Variants in OR2C1 observed in about 807,000 individuals in gnomAD.
The protein encoded by OR2C1 is olfactory receptor family 2 subfamily C member 1.
For missense variants in OR2C1, 468 were observed against 388.3 expected (o/e 1.21, Z -1.73); for synonymous variants, 209 against 167.3 (o/e 1.25, Z -1.92).
upstream of OR2C1, among the ~76,000 whole-genome samples, chr16:3,351,310 C>T (rs371445617): frequency 1.3e-5 from 2 of 149,488 alleles, no homozygotes; most frequent in East Asian, 3.9e-4. Flanking sequence ...TTACCACGGC[C>T]TCTGCCTCCC....
the OR2C1 span, among the ~76,000 whole-genome samples, chr16:3,336,657 G>C: frequency 6.8e-4 from 98 of 144,378 alleles, 1 homozygote; most frequent in South Asian, 6.3e-3. Flanking sequence ...TACCACACCC[G>C]GCCCTAGTTT....
chr16:3,345,286 C>T, the OR2C1 span, among the ~76,000 whole-genome samples: 1 of 151,944 alleles, frequency 6.6e-6, no homozygotes, highest in Non-Finnish European at 1.5e-5. Flanking sequence ...AGTTCGAGAC[C>T]ATCCTGGCTA....
downstream of OR2C1, chr16:3,357,336 C>A (rs983516893): frequency 4.3e-5 from 7 of 163,790 alleles, no homozygotes; most frequent in Non-Finnish European, 9.8e-5. Flanking sequence ...CATGTTTTTA[C>A]CCTATCTGTC....
chr16:3,356,675 G>C lies in OR2C1; in HGVS notation c.735G>C (p.Leu245=). Residue 245 remains leucine, a synonymous_variant, in exon 1 of 1, where the codon CTG becomes CTC. Transcript: ENST00000304936. ...CGTTCAATACGTGCCTCTCCCATCT[G>C]CTGGTGGTGTTCCTCTTCTATGGCT... ...RKAFNTCLSH[L]LVVFLFYGSA... is the part of the protein sequence containing the mutation. 6.2e-7 allele frequency: 1 copy of C among 1,614,220 alleles called. No homozygotes were observed. Among genetic ancestry groups the C allele is most frequent in the South Asian group, 1.1e-5 (1 of 91,086 alleles).
chr16:3,329,197 C>CACACACAG, the OR2C1 span, among the ~76,000 whole-genome samples: 4 of 150,866 alleles, frequency 2.7e-5, no homozygotes, highest in Non-Finnish European at 5.9e-5. Flanking sequence ...CACACACACA[C>CACACACAG]ACACACACAC....
At position 3,356,018 on chromosome 16, in the gene OR2C1, C is replaced by G; in HGVS notation, c.78C>G (p.Ile26Met). Reference sequence around the variant, plus strand: ...CAGACCATCCCCAGCTGGAGATGATCTTTTTTATAGCCATCCTCTTCTCCT... The same window carrying G: ...CAGACCATCCCCAGCTGGAGATGATGTTTTTTATAGCCATCCTCTTCTCCT... ...GISDHPQLEM[I>M]FFIAILFSYL... The change falls in exon 1 of 1, where the codon ATC becomes ATG. Residue 26 changes from isoleucine to methionine, a missense_variant. By Grantham distance (10) the Ile-to-Met change is conservative (BLOSUM62 1). Coordinates refer to ENST00000304936, the MANE Select transcript of OR2C1 (RefSeq NM_012368.3). 6.2e-7 allele frequency: 1 copy of G among 1,613,996 alleles called. No homozygotes were observed. Among genetic ancestry groups the G allele is most frequent in the East Asian group, 2.2e-5 (1 of 44,870 alleles).
the OR2C1 span, among the ~76,000 whole-genome samples, chr16:3,350,803 T>A: frequency 6.6e-6 from 1 of 151,632 alleles, no homozygotes; most frequent in African/African-American, 2.4e-5. Flanking sequence ...ATTCTTAACA[T>A]ACAAACAAAC....
the OR2C1 span, among the ~76,000 whole-genome samples, chr16:3,344,012 A>C: frequency 6.6e-6 from 1 of 152,126 alleles, no homozygotes; most frequent in Non-Finnish European, 1.5e-5. Context: ...TGAGGTCAGG[A>C]GTTTGAGACC....
the OR2C1 span, chr16:3,323,166 C>T: frequency 5.0e-6 from 3 of 599,272 alleles, no homozygotes; most frequent in South Asian, 1.8e-5. Context: ...TAAAAATTTA[C>T]TGCAGTTTGG....
chr16:3,333,201 TC>T, the OR2C1 span, among the ~76,000 whole-genome samples: 22 of 145,792 alleles, frequency 1.5e-4, no homozygotes, highest in Non-Finnish European at 6.0e-5. Context: ...TGTATTCGGA[TC>T]TTTTGCCCAT....
the OR2C1 span, among the ~76,000 whole-genome samples, chr16:3,345,401 A>G: frequency 6.3e-4 from 96 of 151,920 alleles, no homozygotes; most frequent in African/African-American, 2.2e-3. Context: ...CAGGAGAATG[A>G]CGTGAACCCA....
chr16:3,336,712 C>CTTTT, the OR2C1 span, among the ~76,000 whole-genome samples: 18 of 96,784 alleles, frequency 1.9e-4, 1 homozygote, highest in Middle Eastern at 0.011. Context: ...TTCTTTCTTT[C>CTTTT]TTTTTTTTTT....
chr16:3,347,112 T>C, the OR2C1 span, among the ~76,000 whole-genome samples: 1 of 150,502 alleles, frequency 6.6e-6, no homozygotes, highest in Non-Finnish European at 1.5e-5. Flanking sequence ...CTGGGCACAG[T>C]GGTGCGTGCC....
the OR2C1 span, among the ~76,000 whole-genome samples, chr16:3,329,213 C>CACACAG: frequency 1.3e-5 from 2 of 150,552 alleles, no homozygotes; most frequent in African/African-American, 2.4e-5. Flanking sequence ...CACACACACA[C>CACACAG]AGCTTAGCTA....
chr16:3,351,689 G>A (rs1353757506), upstream of OR2C1, among the ~76,000 whole-genome samples: 3 of 152,042 alleles, frequency 2.0e-5, no homozygotes, highest in Non-Finnish European at 4.4e-5. Flanking sequence ...ACAGCAGAAA[G>A]CTTACTCCCC....
chr16:3,338,295 A>G, the OR2C1 span, among the ~76,000 whole-genome samples: 2 of 151,998 alleles, frequency 1.3e-5, no homozygotes, highest in East Asian at 1.9e-4. Context: ...CCCTTAAGGC[A>G]CTCATGATGC....
the OR2C1 span, among the ~76,000 whole-genome samples, chr16:3,341,473 A>G: frequency 6.6e-6 from 1 of 152,200 alleles, no homozygotes; most frequent in African/African-American, 2.4e-5. Flanking sequence ...AACTTCTAGT[A>G]TAATGCTAAG....
chr16:3,325,310 G>T, the OR2C1 span, among the ~76,000 whole-genome samples: 1 of 151,268 alleles, frequency 6.6e-6, no homozygotes, highest in Non-Finnish European at 1.5e-5. Flanking sequence ...TAGAGATAGG[G>T]GTCTTACTAT....
chr16:3,355,902 C>A lies in OR2C1; in HGVS notation c.-39C>A. On this transcript the variant is annotated 5_prime_UTR_variant, in exon 1 of 1. Coordinates refer to ENST00000304936, the MANE Select transcript of OR2C1 (RefSeq NM_012368.3). ...TCTTGACTTTTCTTCCAGCAGCTTG[C>A]GCTAAATGAATTCATCAAGTGACTG... 6.2e-6 allele frequency: 9 copies of A among 1,459,012 alleles called. No individual in the cohort carries two copies. The South Asian group carries it at 1.2e-4, about 19-fold the overall frequency. The allele number at this position is 1,459,012 out of a possible 1,614,324, so 90.4% of individuals were successfully genotyped here. A position where few individuals can be genotyped will look rare whatever the true frequency, so the allele number is the denominator to read the frequency against.
Sources: gnomAD v4.1 joint callset for allele counts (sites outside exome capture counted in the v4.1 genomes callset) on GRCh38, gnomAD v4.1.1 for gene constraint, MANE v1.5 for transcripts, NCBI Gene and HGNC (gene_info 2026-07-23, HGNC 2026-07-21) for gene names.